Variants in DLEU7 observed in about 807,000 individuals in gnomAD.
DLEU7 encodes deleted in lymphocytic leukemia 7.
Under a neutral mutation model 16.0 loss-of-function variants are expected in DLEU7, and 17 were observed. That is an observed-to-expected ratio of 1.06 (90% CI 0.73 to 1.59). DLEU7 has a LOEUF of 1.59. Among genes scored for constraint, DLEU7 ranks in the 40% most tolerant of loss-of-function variants. The pLI, the probability that DLEU7 is intolerant of heterozygous loss-of-function variation, is 0.00. For synonymous variants in DLEU7, 113 were observed against 139.8 expected (o/e 0.81, Z 1.35); for missense variants, 308 against 314.9 (o/e 0.98, Z 0.17).
intron 1 of DLEU7, among the ~76,000 whole-genome samples, chr13:50,730,971 C>T (rs544179205): frequency 8.1e-4 from 124 of 152,282 alleles, no homozygotes; most frequent in South Asian, 5.8e-3. Flanking sequence ...TCAGAGGCTA[C>T]TCCTTTTACA....
intron 1 of DLEU7, among the ~76,000 whole-genome samples, chr13:50,762,465 T>C (rs1874967261): frequency 6.6e-6 from 1 of 152,142 alleles, no homozygotes; most frequent in African/African-American, 2.4e-5. Context: ...AAAGCCCAGG[T>C]CGGAACCTAT....
intron 1 of DLEU7, among the ~76,000 whole-genome samples, chr13:50,796,130 A>G (rs1876103394): frequency 1.3e-5 from 2 of 152,160 alleles, no homozygotes; most frequent in South Asian, 4.2e-4. Context: ...GATGCCTGAA[A>G]CCCTTAGAGT....
intron 1 of DLEU7, among the ~76,000 whole-genome samples, chr13:50,737,542 T>G (rs1874109543): frequency 6.6e-6 from 1 of 152,182 alleles, no homozygotes; most frequent in Non-Finnish European, 1.5e-5. Flanking sequence ...TTTTAATTAT[T>G]ATTATATCTA....
intron 1 of DLEU7, among the ~76,000 whole-genome samples, chr13:50,766,687 C>A (rs966596636): frequency 1.3e-5 from 2 of 152,152 alleles, no homozygotes; most frequent in Non-Finnish European, 2.9e-5. Flanking sequence ...TCCAACTGTT[C>A]ATGAGAAATC....
chr13:50,757,460 A>G (rs777497638), intron 1 of DLEU7, among the ~76,000 whole-genome samples: 2 of 152,230 alleles, frequency 1.3e-5, no homozygotes, highest in African/African-American at 2.4e-5. Context: ...CAAAATGATC[A>G]GAGATTCTGA....
At chr13:50,784,508 A>G (rs1489391331) in intron 1 of DLEU7, among the ~76,000 whole-genome samples, 1 of 152,244 alleles carries the variant, frequency 6.6e-6, no homozygotes. Flanking sequence ...TTATTCTCCA[A>G]GAAAGATGTT....
At chr13:50,810,305 GT>G (rs1876528405) in intron 1 of DLEU7, among the ~76,000 whole-genome samples, 1 of 151,854 alleles carries the variant, frequency 6.6e-6, no homozygotes. Flanking sequence ...TTACAGAAAT[GT>G]TTTCCAGACT....
intron 1 of DLEU7, among the ~76,000 whole-genome samples, chr13:50,833,462 A>G (rs1877344530): frequency 6.6e-6 from 1 of 152,238 alleles, no homozygotes; most frequent in Non-Finnish European, 1.5e-5. Context: ...AGAATAAAAT[A>G]CCAAGGAATA....
chr13:50,800,104 C>T (rs1236186633), intron 1 of DLEU7, among the ~76,000 whole-genome samples: 1 of 152,086 alleles, frequency 6.6e-6, no homozygotes, highest in Admixed American at 6.6e-5. Context: ...CATTTGGGTA[C>T]GATGCCTCTG....
At chr13:50,791,792 C>A (rs1274551639) in intron 1 of DLEU7, among the ~76,000 whole-genome samples, 1 of 152,194 alleles carries the variant, frequency 6.6e-6, no homozygotes, top group Non-Finnish European at 1.5e-5. Flanking sequence ...AAAAAAATCA[C>A]AAAATCCAGA....
intron 1 of DLEU7, among the ~76,000 whole-genome samples, chr13:50,748,717 G>A (rs1002081123): frequency 6.6e-6 from 1 of 152,064 alleles, no homozygotes; most frequent in African/African-American, 2.4e-5. Context: ...ATGAGAGACA[G>A]GGAGACAGAG....
At chr13:50,720,037 T>C (rs1387815461) in intron 1 of DLEU7, among the ~76,000 whole-genome samples, 2 of 152,170 alleles carry the variant, frequency 1.3e-5, no homozygotes, top group African/African-American at 4.8e-5. Flanking sequence ...AACAAGCAAA[T>C]TATAAAATGG....
intron 1 of DLEU7, among the ~76,000 whole-genome samples, chr13:50,839,842 C>A (rs555899784): frequency 2.6e-5 from 4 of 152,282 alleles, no homozygotes; most frequent in African/African-American, 4.8e-5. Context: ...CTTTGGGAAG[C>A]CACTGACTAA....
At chr13:50,782,432 C>A (rs1049434181) in intron 1 of DLEU7, among the ~76,000 whole-genome samples, 1 of 152,170 alleles carries the variant, frequency 6.6e-6, no homozygotes, top group African/African-American at 2.4e-5. Context: ...TCTCAAATAG[C>A]CATAACCAAA....
At chr13:50,730,510 TATAAG>T (rs1873884609) in intron 1 of DLEU7, among the ~76,000 whole-genome samples, 2 of 152,176 alleles carry the variant, frequency 1.3e-5, no homozygotes, top group South Asian at 4.2e-4. Flanking sequence ...GTAGAAAAAA[TATAAG>T]ATAAGTGAAC....
intron 1 of DLEU7, among the ~76,000 whole-genome samples, chr13:50,737,365 G>T (rs1025768850): frequency 6.6e-6 from 1 of 151,984 alleles, no homozygotes; most frequent in Non-Finnish European, 1.5e-5. Context: ...ATTTTATTAT[G>T]CTTCACTTCA....
At chr13:50,803,021 G>A (rs569403200) in intron 1 of DLEU7, among the ~76,000 whole-genome samples, 11 of 152,150 alleles carry the variant, frequency 7.2e-5, no homozygotes, top group African/African-American at 1.9e-4. Flanking sequence ...TATTGATAAC[G>A]TTTAGGCAGT....
intron 1 of DLEU7, among the ~76,000 whole-genome samples, chr13:50,757,384 T>C (rs901462040): frequency 6.6e-6 from 1 of 152,234 alleles, no homozygotes; most frequent in Non-Finnish European, 1.5e-5. Context: ...ATTAATCTTC[T>C]CTGGTCATAA....
chr13:50,713,283 T>G, intron 1 of DLEU7: 1 of 1,587,528 alleles, frequency 6.3e-7, no homozygotes, highest in South Asian at 1.1e-5. Context: ...TTGCTTTGCA[T>G]TTTTTATATT....
Sources: allele counts gnomAD v4.1 joint callset (sites outside exome capture counted in the v4.1 genomes callset), GRCh38; gene constraint gnomAD v4.1.1; transcripts MANE v1.5; gene names NCBI Gene and HGNC (gene_info 2026-07-23, HGNC 2026-07-21).